The following FOXRED1 variants were observed in gnomAD, a reference collection of about 807,000 sequenced individuals.
The protein encoded by FOXRED1 is FAD dependent oxidoreductase domain containing 1.
FOXRED1 carries 52 observed loss-of-function variants against 57.8 expected under a neutral mutation model. The observed-to-expected ratio is 0.90, with a 90% CI of 0.72 to 1.13. FOXRED1 has a LOEUF of 1.13. FOXRED1 is among the 50% of genes most tolerant of loss of function. FOXRED1 has a pLI of 0.00. For missense variants in FOXRED1, 589 were observed against 625.2 expected, an observed-to-expected ratio of 0.94 and a Z score of 0.62; for synonymous variants, 271 against 248.3, an observed-to-expected ratio of 1.09 and a Z score of -0.86.
chr11:126,274,895 C>T lies in FOXRED1; in HGVS notation c.537-32C>T, dbSNP rs1421075937. 1.5e-6 allele frequency: 2 copies of T among 1,302,362 alleles called. No homozygotes were observed. The highest frequency in any genetic ancestry group is 2.9e-5 in the African/African-American group (2 of 68,872). 80.7% of individuals were successfully genotyped at this position (1,302,362 alleles called of 1,614,324 possible). A position where few individuals can be genotyped will look rare whatever the true frequency, so the allele number is the denominator to read the frequency against. ...TCCCCCTGCACACTCCCCTCTCTGACACACATACACCGACCCACACGTTTA... is the reference window on the plus strand; with the variant it reads ...TCCCCCTGCACACTCCCCTCTCTGATACACATACACCGACCCACACGTTTA... On this transcript the variant is annotated intron_variant, in intron 4 of 10. Coordinates refer to ENST00000263578, the MANE Select transcript of FOXRED1 (RefSeq NM_017547.4). The surrounding 1 kb of genome is among the most constrained non-coding windows in gnomAD (Gnocchi z 4.8).
In FOXRED1 at chr11:126,272,576, GCC is replaced by G. The variant is rs72195165; in HGVS notation, c.307-392_307-391del. The G allele has an allele frequency of 0.12, 38,387 of 309,700 alleles. 2,546 individuals are homozygous for G. The highest frequency in any genetic ancestry group is 0.18 in the African/African-American group (8,322 of 46,164). The allele number at this position is 309,700 out of a possible 1,614,324, so 19.2% of individuals were successfully genotyped here. A position where few individuals can be genotyped will look rare whatever the true frequency, so the allele number is the denominator to read the frequency against. On this transcript the variant is annotated intron_variant, in intron 2 of 10. Transcript: ENST00000263578. This position sits in a 1 kb window ranked among gnomAD's most constrained non-coding sequence, Gnocchi z 4.6. Reference sequence around the variant, plus strand: ...CAAAGTGCTGGGATTACAGGCATGAGCCACCCACCCGGCTGGTTTTTACACTT... The same window carrying G: ...CAAAGTGCTGGGATTACAGGCATGAGACCCACCCGGCTGGTTTTTACACTT...
chr11:126,277,229 A>T lies in FOXRED1; in HGVS notation c.1206+54A>T. The stretch of plus-strand genomic sequence containing the variant: ...TATTTTTGGACATTGGATGGGACAG[A>T]TGACAGTGGAGCACATTGGTCCCCT... On this transcript the variant is annotated intron_variant, in intron 10 of 10. Coordinates refer to ENST00000263578, the MANE Select transcript of FOXRED1 (RefSeq NM_017547.4). This position sits in a 1 kb window ranked among gnomAD's most constrained non-coding sequence, Gnocchi z 6.8. 7.8e-7 allele frequency: 1 copy of T among 1,284,214 alleles called. No homozygotes were observed. Among genetic ancestry groups the T allele is most frequent in the Non-Finnish European group, 1.1e-6 (1 of 880,576 alleles). 79.6% of individuals were successfully genotyped at this position (1,284,214 alleles called of 1,614,324 possible). A position where few individuals can be genotyped will look rare whatever the true frequency, so the allele number is the denominator to read the frequency against.
intron 1 of FOXRED1, among the ~76,000 whole-genome samples, chr11:126,269,901 C>T (rs895294170): frequency 6.7e-6 from 1 of 149,386 alleles, no homozygotes. Flanking sequence ...GCAGGAGAAT[C>T]GCTTGAACCC....
Position 126,271,903 on chromosome 11 carries a change from C to G in FOXRED1, c.306+246C>G. On this transcript the variant is annotated intron_variant, in intron 2 of 10. Coordinates refer to ENST00000263578, the MANE Select transcript of FOXRED1 (RefSeq NM_017547.4). The surrounding 1 kb of genome is among the most constrained non-coding windows in gnomAD (Gnocchi z 5.3). ...ATCACCATATTGGATTTTTCGAGAT[C>G]TCATAGCTCTGGTCATGAGAGCCTG... The G allele has an allele frequency of 2.0e-6, 1 of 494,346 alleles. No individual in the cohort carries two copies. Among genetic ancestry groups the G allele is most frequent in the Non-Finnish European group, 3.7e-6 (1 of 269,366 alleles). 30.6% of individuals were successfully genotyped at this position (494,346 alleles called of 1,614,324 possible).
rs559064999 is a variant in FOXRED1, at chr11:126,276,121, C to T, written c.873C>T (p.Ala291=). Residue 291 remains alanine (A), a synonymous_variant, in exon 8 of 11, where the codon GCC becomes GCT. Transcript: ENST00000263578. ...AATGCGCCATTGTGATCAACGCAGC[C>T]GGAGCCTGGTCTGCGCAAATCGCAG... is the stretch of plus-strand genomic sequence containing the variant. ...PVECAIVINA[A]GAWSAQIAAL... 13 of 1,612,616 alleles carry T rather than the reference C, an allele frequency of 8.1e-6. No homozygotes were observed. The highest frequency in any genetic ancestry group is 4.5e-5 in the East Asian group (2 of 44,790).
chr11:126,273,275 A>G lies in FOXRED1; in HGVS notation c.418-61A>G. Reference sequence around the variant, plus strand: ...CTGGGGAGCTGTGGGGGAAGAAGGCAGGAAAACTCTTTCTGGCATCCTTAA... The same window carrying G: ...CTGGGGAGCTGTGGGGGAAGAAGGCGGGAAAACTCTTTCTGGCATCCTTAA... On this transcript the variant is annotated intron_variant, in intron 3 of 10. Coordinates refer to ENST00000263578, the MANE Select transcript of FOXRED1 (RefSeq NM_017547.4). The surrounding 1 kb of genome is among the most constrained non-coding windows in gnomAD (Gnocchi z 5.9). 1 of 1,313,050 alleles carries G rather than the reference A, an allele frequency of 7.6e-7. No individual in the cohort carries two copies. Among genetic ancestry groups the G allele is most frequent in the Non-Finnish European group, 1.1e-6 (1 of 905,360 alleles). 81.3% of individuals were successfully genotyped at this position (1,313,050 alleles called of 1,614,324 possible).
rs202024738 is a variant in FOXRED1 at position 126,276,876 on chromosome 11, C to CA, written c.1102-181dup. On this transcript the variant is annotated intron_variant, in intron 9 of 10. Coordinates refer to ENST00000263578, the MANE Select transcript of FOXRED1 (RefSeq NM_017547.4). The stretch of plus-strand genomic sequence containing the variant: ...GGGCAACAAGAGCAAAACTCCATCT[C>CA]AAAAAAAAAAAAAAGAAAAAGAATC... 65,316 of 455,188 alleles carry CA rather than the reference C, an allele frequency of 0.14. 709 individuals are homozygous for CA. The highest frequency in any genetic ancestry group is 0.25 in the East Asian group (6,110 of 24,872). 28.2% of individuals were successfully genotyped at this position (455,188 alleles called of 1,614,324 possible). A position where few individuals can be genotyped will look rare whatever the true frequency, so the allele number is the denominator to read the frequency against.
chr11:126,275,057 T>C lies in FOXRED1; in HGVS notation c.631+36T>C, dbSNP rs1236242606. On this transcript the variant is annotated intron_variant, in intron 5 of 10. Transcript: ENST00000263578. The surrounding 1 kb of genome is among the most constrained non-coding windows in gnomAD (Gnocchi z 5.9). ...CTTGCAGAGGGGACAGCTTTTTTCCTGAAGATGGAGACTAAGGGGTGCTAC... is the reference window on the plus strand; with the variant it reads ...CTTGCAGAGGGGACAGCTTTTTTCCCGAAGATGGAGACTAAGGGGTGCTAC... 7.1e-7 allele frequency: 1 copy of C among 1,399,448 alleles called. No individual in the cohort carries two copies. The allele number at this position is 1,399,448 out of a possible 1,614,324, so 86.7% of individuals were successfully genotyped here. A position where few individuals can be genotyped will look rare whatever the true frequency, so the allele number is the denominator to read the frequency against.
chr11:126,272,810 C>T lies in FOXRED1; in HGVS notation c.307-159C>T, dbSNP rs1951024896. ...ATCCACTACTAATGATTTTAAACAC[C>T]ATTGCCTTCAAGTTGACTTACACAT... On this transcript the variant is annotated intron_variant, in intron 2 of 10. Transcript: ENST00000263578. The surrounding 1 kb of genome is among the most constrained non-coding windows in gnomAD (Gnocchi z 4.6). 1.5e-6 allele frequency: 1 copy of T among 687,306 alleles called. No homozygotes were observed. Among genetic ancestry groups the T allele is most frequent in the Admixed American group, 2.0e-5 (1 of 48,974 alleles). 42.6% of individuals were successfully genotyped at this position (687,306 alleles called of 1,614,324 possible). A position where few individuals can be genotyped will look rare whatever the true frequency, so the allele number is the denominator to read the frequency against.
chr11:126,269,683 G>T (rs1302004155), intron 1 of FOXRED1, among the ~76,000 whole-genome samples: 1 of 152,074 alleles, frequency 6.6e-6, no homozygotes, highest in Non-Finnish European at 1.5e-5. Context: ...AATTTCAATA[G>T]ACAGTAGGCC....
At position 126,277,580 on chromosome 11, in the gene FOXRED1, C is replaced by T. The variant is rs540270465; in HGVS notation, c.1352C>T (p.Ala451Val). Residue 451 changes from alanine to valine, a missense_variant, in exon 11 of 11, where the codon GCT becomes GTT. By Grantham distance (64) the Ala-to-Val change is moderately conservative. Coordinates refer to ENST00000263578, the MANE Select transcript of FOXRED1 (RefSeq NM_017547.4). The surrounding 1 kb of genome is among the most constrained non-coding windows in gnomAD (Gnocchi z 6.8). Reference sequence around the variant, plus strand: ...CAGCAGGCCCCTGGCATTGGGCGAGCTGTAGCAGAGATGGTACTGAAGGGC... The same window carrying T: ...CAGCAGGCCCCTGGCATTGGGCGAGTTGTAGCAGAGATGGTACTGAAGGGC... ...GLQQAPGIGRAVAEMVLKGRF... is the reference protein window; with the variant it reads ...GLQQAPGIGRVVAEMVLKGRF... 1 of 1,613,800 alleles carries T rather than the reference C, an allele frequency of 6.2e-7. No homozygotes were observed. Among genetic ancestry groups the T allele is most frequent in the South Asian group, 1.1e-5 (1 of 91,086 alleles).
At chr11:126,269,796 G>T (rs1950926666) in intron 1 of FOXRED1, among the ~76,000 whole-genome samples, 1 of 152,006 alleles carries the variant, frequency 6.6e-6, no homozygotes, top group African/African-American at 2.4e-5. Flanking sequence ...AGAGCAACCT[G>T]ACCAACATGG....
chr11:126,271,984 C>CA lies in FOXRED1; in HGVS notation c.306+328dup, dbSNP rs1951001192. ...TCTCTTTTTTTTTTTTTTTTTGAGA[C>CA]AGAGTCTTGCTCTGTCACCCAGGCT... On this transcript the variant is annotated intron_variant, in intron 2 of 10. Transcript: ENST00000263578. This position sits in a 1 kb window ranked among gnomAD's most constrained non-coding sequence, Gnocchi z 5.3. 3.0e-6 allele frequency: 1 copy of CA among 334,656 alleles called. No individual in the cohort carries two copies. The highest frequency in any genetic ancestry group is 4.3e-5 in the Admixed American group (1 of 23,462). 20.7% of individuals were successfully genotyped at this position (334,656 alleles called of 1,614,324 possible).
In FOXRED1 at chr11:126,277,712, C is replaced by T. The variant is rs1951196659; in HGVS notation, c.*23C>T. 1 of 1,612,506 alleles carries T rather than the reference C, an allele frequency of 6.2e-7. No homozygotes were observed. Among genetic ancestry groups the T allele is most frequent in the Admixed American group, 1.7e-5 (1 of 60,022 alleles). ...TGAGCATGTGTGCTCTGCACTGGCT[C>T]CACTGGCTTGCATCCTGGCTGTGTT... is the stretch of plus-strand genomic sequence containing the variant. On this transcript the variant is annotated 3_prime_UTR_variant, in exon 11 of 11. Coordinates refer to ENST00000263578, the MANE Select transcript of FOXRED1 (RefSeq NM_017547.4). This position sits in a 1 kb window ranked among gnomAD's most constrained non-coding sequence, Gnocchi z 6.8.
rs138982181 is a variant in FOXRED1, at chr11:126,271,884, A to G, written c.306+227A>G. ...TGTTCTTTTGAAAGCAGATATCACCATATTGGATTTTTCGAGATCTCATAG... is the reference window on the plus strand; with the variant it reads ...TGTTCTTTTGAAAGCAGATATCACCGTATTGGATTTTTCGAGATCTCATAG... On this transcript the variant is annotated intron_variant, in intron 2 of 10. Coordinates refer to ENST00000263578, the MANE Select transcript of FOXRED1 (RefSeq NM_017547.4). The surrounding 1 kb of genome is among the most constrained non-coding windows in gnomAD (Gnocchi z 5.3). 40 of 544,204 alleles carry G rather than the reference A, an allele frequency of 7.4e-5. No homozygotes were observed. The highest frequency in any genetic ancestry group is 7.0e-4 in the African/African-American group (37 of 52,762). 33.7% of individuals were successfully genotyped at this position (544,204 alleles called of 1,614,324 possible). A position where few individuals can be genotyped will look rare whatever the true frequency, so the allele number is the denominator to read the frequency against.
rs1951170065 is a variant in FOXRED1, at chr11:126,276,989, C to T, written c.1102-82C>T. The T allele has an allele frequency of 5.7e-6, 5 of 877,764 alleles. No homozygotes were observed. In the East Asian group the frequency reaches 1.2e-4, roughly 21 times the overall value. 54.4% of individuals were successfully genotyped at this position (877,764 alleles called of 1,614,324 possible). On this transcript the variant is annotated intron_variant, in intron 9 of 10. Coordinates refer to ENST00000263578, the MANE Select transcript of FOXRED1 (RefSeq NM_017547.4). ...TGGGACCATTTCTCCCCATCCCCTACCTGCACAGGGATTGTTAAACAAGTC... is the reference window on the plus strand; with the variant it reads ...TGGGACCATTTCTCCCCATCCCCTATCTGCACAGGGATTGTTAAACAAGTC...
rs116410228 is a variant in FOXRED1, at chr11:126,278,013, C to G, written c.*324C>G. 115 of 560,956 alleles carry G rather than the reference C, an allele frequency of 2.1e-4. No homozygotes were observed. Among genetic ancestry groups the G allele is most frequent in the African/African-American group, 2.0e-3 (110 of 54,196 alleles). The allele number at this position is 560,956 out of a possible 1,614,324, so 34.7% of individuals were successfully genotyped here. A position where few individuals can be genotyped will look rare whatever the true frequency, so the allele number is the denominator to read the frequency against. ...CTGACCAGGAAAGACTGCCTCTGAC[C>G]CTCTTAGCAGACAGAGCCCAGGCAT... On this transcript the variant is annotated 3_prime_UTR_variant, in exon 11 of 11. Coordinates refer to ENST00000263578, the MANE Select transcript of FOXRED1 (RefSeq NM_017547.4). This position sits in a 1 kb window ranked among gnomAD's most constrained non-coding sequence, Gnocchi z 4.8.
In FOXRED1 at chr11:126,277,255, C is replaced by G. The variant is rs904585803; in HGVS notation, c.1206+80C>G. 2 of 1,209,284 alleles carry G rather than the reference C, an allele frequency of 1.7e-6. No homozygotes were observed. Among genetic ancestry groups the G allele is most frequent in the African/African-American group, 1.5e-5 (1 of 66,984 alleles). 74.9% of individuals were successfully genotyped at this position (1,209,284 alleles called of 1,614,324 possible). On this transcript the variant is annotated intron_variant, in intron 10 of 10. Transcript: ENST00000263578. The surrounding 1 kb of genome is among the most constrained non-coding windows in gnomAD (Gnocchi z 6.8). ...TGACAGTGGAGCACATTGGTCCCCTCGGACCCGTGACTGCCGTAGTCCCTC... is the reference window on the plus strand; with the variant it reads ...TGACAGTGGAGCACATTGGTCCCCTGGGACCCGTGACTGCCGTAGTCCCTC...
chr11:126,277,493 TG>T lies in FOXRED1; in HGVS notation c.1268del (p.Gly423AlafsTer5). ...DYNTFDQNGVVGPHPLVVNMY... is the reference protein window; with the variant it reads ...DYNTFDQNGVXGPHPLVVNMY... ...AACACCTTTGACCAGAATGGCGTGG[TG>T]GGCCCCCACCCGCTAGTTGTCAACA... On this transcript the variant is annotated frameshift_variant, in exon 11 of 11. Transcript: ENST00000263578. LOFTEE classifies it high-confidence loss of function. The surrounding 1 kb of genome is among the most constrained non-coding windows in gnomAD (Gnocchi z 6.8). 1 of 1,613,558 alleles carries T rather than the reference TG, an allele frequency of 6.2e-7. No individual in the cohort carries two copies. The highest frequency in any genetic ancestry group is 8.5e-7 in the Non-Finnish European group (1 of 1,179,990).
Sources: gnomAD v4.1 joint callset for allele counts (sites outside exome capture counted in the v4.1 genomes callset) on GRCh38, gnomAD v4.1.1 for gene constraint, Gnocchi (gnomAD v3.1) non-coding constraint, MANE v1.5 for transcripts, NCBI Gene and HGNC (gene_info 2026-07-23, HGNC 2026-07-21) for gene names.